Variants in C8B observed in about 807,000 individuals in gnomAD.
C8B encodes complement component C8 beta chain.
A neutral mutation model predicts 64.6 loss-of-function variants in C8B; 67 were observed. The observed-to-expected ratio is 1.04, with a 90% CI of 0.85 to 1.27. The LOEUF is 1.27. C8B is among the 50% of genes most tolerant of loss of function. The probability of loss-of-function intolerance (pLI) is 0.00; values close to 1 mark genes in which losing one functional copy is unlikely to be tolerated. For missense variants in C8B, 790 were observed against 725.2 expected (o/e 1.09, Z -1.03); for synonymous variants, 284 against 257.7 (o/e 1.10, Z -0.98).
At chr1:56,939,338 C>G (rs976250800) in intron 9 of C8B, among the ~76,000 whole-genome samples, 9 of 152,206 alleles carry the variant, frequency 5.9e-5, no homozygotes, top group Non-Finnish European at 1.3e-4. Flanking sequence ...CAACTGTACC[C>G]TAAGTGCCAC....
chr1:56,959,881 G>T, intron 2 of C8B, 139 bp downstream of exon 2: 1 of 953,090 alleles, frequency 1.0e-6, no homozygotes, highest in Non-Finnish European at 1.6e-6. Context: ...AGCACAGAAG[G>T]AAAGGATGCA....
chr1:56,932,199 T>C (rs1644711956), intron 10 of C8B, among the ~76,000 whole-genome samples: 1 of 152,212 alleles, frequency 6.6e-6, no homozygotes, highest in African/African-American at 2.4e-5. Context: ...TTGTCATTGA[T>C]GTTCAATTTC....
At chr1:56,965,436 G>A (rs2101485237) in intron 1 of C8B, among the ~76,000 whole-genome samples, 1 of 133,514 alleles carries the variant, frequency 7.5e-6, no homozygotes, top group East Asian at 2.2e-4. Context: ...AGAAGGGGGT[G>A]GGAAAGAACC....
intron 2 of C8B, chr1:56,959,467 G>T: frequency 1.0e-6 from 1 of 1,001,608 alleles, no homozygotes; most frequent in Non-Finnish European, 1.5e-6. Context: ...CAGCTCCTGA[G>T]TAGGAGTTTC....
In C8B at chr1:56,943,804, G is replaced by A. The variant is rs764599195; in HGVS notation, c.1126C>T (p.His376Tyr). 1.9e-6 allele frequency: 3 copies of A among 1,614,032 alleles called. No homozygotes were observed. The highest frequency in any genetic ancestry group is 2.5e-6 in the Non-Finnish European group (3 of 1,179,962). Residue 376 changes from histidine to tyrosine, a missense_variant, in exon 8 of 12, where the codon CAT becomes TAT. Physicochemically the swap from His to Tyr is moderately conservative, Grantham distance 83 (BLOSUM62 2). Coordinates refer to ENST00000371237, the MANE Select transcript of C8B (RefSeq NM_000066.4). ...ERGDYTLNNVHACAKNDFKIG... is the reference protein window; with the variant it reads ...ERGDYTLNNVYACAKNDFKIG... ...TTAAAATCATTTTTGGCACAGGCATGGACGTTGTTAAGAGTATAATCTGAA... is the reference window on the plus strand; with the variant it reads ...TTAAAATCATTTTTGGCACAGGCATAGACGTTGTTAAGAGTATAATCTGAA...
In C8B at chr1:56,956,795, C is replaced by T. The variant is rs1479721381; in HGVS notation, c.365G>A (p.Cys122Tyr). 3.7e-6 allele frequency: 6 copies of T among 1,613,974 alleles called. No homozygotes were observed. In the African/African-American group the frequency reaches 8.0e-5, roughly 22 times the overall value. The stretch of plus-strand genomic sequence containing the variant: ...TGTCTGTGCACACACAAAGCCTTCA[C>T]ATCGCACTTGACTTCCGCATGGTCT... ...TNRPCGSQVR[C>Y]EGFVCAQTGR... Residue 122 changes from cysteine (C) to tyrosine (Y), a missense_variant, in exon 3 of 12, where the codon TGT becomes TAT. Physicochemically the swap from Cys to Tyr is radical, Grantham distance 194 (BLOSUM62 -2). Coordinates refer to ENST00000371237, the MANE Select transcript of C8B (RefSeq NM_000066.4).
intron 8 of C8B, among the ~76,000 whole-genome samples, chr1:56,942,781 G>A (rs187394362): frequency 2.4e-4 from 37 of 152,006 alleles, no homozygotes; most frequent in Admixed American, 7.9e-4. Context: ...AAGTAGGGGG[G>A]CGTCTCTGCC....
At position 56,960,020 on chromosome 1, in the gene C8B, C is replaced by T. The variant is rs567145070; in HGVS notation, c.249G>A (p.Arg83=). 4 of 1,613,962 alleles carry T rather than the reference C, an allele frequency of 2.5e-6. No individual in the cohort carries two copies. The highest frequency in any genetic ancestry group is 3.4e-6 in the Non-Finnish European group (4 of 1,180,018). Residue 83 remains arginine (R), a splice_region_variant and synonymous_variant, in exon 2 of 12, where the codon AGG becomes AGA. Transcript: ENST00000371237. ...AGCTGTCCCAGGCCTGGTTGCTTAC[C>T]CTTTTCTTCTGACAGGGGTCACATG... ...WTTCDPCQKK[R]YRYAYLLQPS... is the part of the protein sequence containing the mutation.
At chr1:56,957,485 A>G (rs978033826) in intron 2 of C8B, among the ~76,000 whole-genome samples, 6 of 152,200 alleles carry the variant, frequency 3.9e-5, no homozygotes, top group Non-Finnish European at 7.3e-5. Flanking sequence ...TAAAATAGGG[A>G]TCACGAATTA....
At chr1:56,941,123 G>A (rs1644848141) in intron 8 of C8B, 111 bp from the exon 9 acceptor site, 1 of 1,232,332 alleles carries the variant, frequency 8.1e-7, no homozygotes. Flanking sequence ...ACTTGTCTGA[G>A]AGATGTGGGT....
intron 4 of C8B, among the ~76,000 whole-genome samples, chr1:56,953,315 C>A (rs1293090880): frequency 1.3e-5 from 2 of 152,146 alleles, no homozygotes; most frequent in African/African-American, 4.8e-5. Context: ...TGACATATTC[C>A]ATGTATCAAA....
At chr1:56,945,743 G>T in intron 7 of C8B, 78 bp downstream of exon 7, 1 of 1,570,174 alleles carries the variant, frequency 6.4e-7, no homozygotes, top group Non-Finnish European at 8.8e-7. Flanking sequence ...AGCCAGGAAG[G>T]TAGAAAGAAA....
rs145764874 is a variant in C8B at position 56,958,252 on chromosome 1, T to A, written c.250-1342A>T. ...ATTTGGGTGATTTCCAAAAGTTAGT[T>A]GCAGTCAAGATTTTAGTAAACAAAA... On this transcript the variant is annotated intron_variant, in intron 2 of 11. Transcript: ENST00000371237. 1.0e-3 allele frequency among the ~76,000 whole-genome samples: 157 copies of A among 152,234 alleles called. 1 individual carries two copies. Among genetic ancestry groups the A allele is most frequent in the African/African-American group, 3.7e-3 (154 of 41,538 alleles).
rs532278872 is a variant in C8B at position 56,944,598 on chromosome 1, A to G, written c.1106-774T>C. On this transcript the variant is annotated intron_variant, in intron 7 of 11. Transcript: ENST00000371237. Reference sequence around the variant, plus strand: ...GAAAGTGTGACAAATGTTGCATCAAAATAGGTGGAGAGGTCATTTTATTGG... The same window carrying G: ...GAAAGTGTGACAAATGTTGCATCAAGATAGGTGGAGAGGTCATTTTATTGG... 4.7e-4 allele frequency among the ~76,000 whole-genome samples: 72 copies of G among 152,364 alleles called. 1 individual carries two copies. The highest frequency in any genetic ancestry group is 1.5e-3 in the African/African-American group (63 of 41,590).
chr1:56,948,051 A>T (rs1459047283), intron 6 of C8B, among the ~76,000 whole-genome samples: 1 of 152,340 alleles, frequency 6.6e-6, no homozygotes, highest in East Asian at 1.9e-4. Flanking sequence ...ATTATCCTAG[A>T]GGCTACAGAT....
intron 8 of C8B, 125 bp from the exon 9 acceptor site, chr1:56,941,137 C>T: frequency 9.5e-7 from 1 of 1,054,524 alleles, no homozygotes; most frequent in South Asian, 1.4e-5. Context: ...TGTGGGTGGA[C>T]CAGACACTTC....
intron 9 of C8B, 29 bp downstream of exon 9, chr1:56,940,820 G>A: frequency 6.2e-7 from 1 of 1,613,794 alleles, no homozygotes; most frequent in Non-Finnish European, 8.5e-7. Flanking sequence ...CTGGGTGGAG[G>A]AAAGGATGGG....
At chr1:56,939,584 T>C (rs903150830) in intron 9 of C8B, among the ~76,000 whole-genome samples, 2 of 152,202 alleles carry the variant, frequency 1.3e-5, no homozygotes, top group Non-Finnish European at 2.9e-5. Context: ...AGACGTGCTA[T>C]GGGCCCTGTG....
At chr1:56,954,266 G>C (rs958489672) in intron 4 of C8B, among the ~76,000 whole-genome samples, 7 of 152,166 alleles carry the variant, frequency 4.6e-5, no homozygotes, top group Admixed American at 3.3e-4. Flanking sequence ...TTCTTGGAGG[G>C]ACCAATGCTG....
Sources: allele counts gnomAD v4.1 joint callset (sites outside exome capture counted in the v4.1 genomes callset), GRCh38; gene constraint gnomAD v4.1.1; transcripts MANE v1.5; gene names NCBI Gene and HGNC (gene_info 2026-07-23, HGNC 2026-07-21).